Variants in KNL1 observed in about 807,000 individuals in gnomAD.
KNL1 encodes outer kinetochore KNL1 complex subunit KNL1.
A neutral mutation model predicts 201.3 loss-of-function variants in KNL1; 66 were observed. The ratio of observed to expected loss-of-function variants is 0.33; its 90% CI spans 0.27 to 0.40. The LOEUF (loss-of-function observed/expected upper bound fraction) is 0.40, where lower values mean the gene tolerates loss of function less well. Among genes scored for constraint, KNL1 ranks in the 10% least tolerant of loss-of-function variants. The pLI, the probability that KNL1 is intolerant of heterozygous loss-of-function variation, is 1.00. For synonymous variants in KNL1, 895 were observed against 899.2 expected (o/e 1.00, Z 0.08); for missense variants, 2,815 against 2,690.5 (o/e 1.05, Z -1.02).
At chr15:40,608,753 A>C (rs1892058645) in intron 4 of KNL1, 94 bp from the exon 5 acceptor site, 1 of 907,490 alleles carries the variant, frequency 1.1e-6, no homozygotes, top group South Asian at 1.7e-5. Context: ...CTCAAAAAAA[A>C]AAAAAAAAGG....
intron 1 of KNL1, 39 bp from the exon 2 acceptor site, chr15:40,602,876 T>G (rs1891852854): frequency 8.7e-7 from 1 of 1,153,086 alleles, no homozygotes; most frequent in Non-Finnish European, 1.3e-6. Context: ...TTGCTCTTCC[T>G]TTTTCCTCAT....
intron 11 of KNL1, 47 bp from the exon 12 acceptor site, chr15:40,628,564 C>T: frequency 1.7e-6 from 2 of 1,205,354 alleles, no homozygotes; most frequent in Non-Finnish European, 2.4e-6. Context: ...ATTAAGTTCA[C>T]AGTTTAGTTT....
intron 20 of KNL1, 129 bp downstream of exon 20, chr15:40,651,701 A>G (rs1483044115): frequency 3.2e-6 from 2 of 625,826 alleles, no homozygotes; most frequent in Non-Finnish European, 5.5e-6. Flanking sequence ...TTTCAAAAAG[A>G]GTCAGTGTAC....
intron 4 of KNL1, among the ~76,000 whole-genome samples, chr15:40,606,851 CT>C (rs1891992864): frequency 6.6e-6 from 1 of 152,230 alleles, no homozygotes; most frequent in African/African-American, 2.4e-5. Flanking sequence ...CCTCCTCCCC[CT>C]GGGCTCAAGA....
chr15:40,620,026 T>C (rs1892463933), intron 9 of KNL1, among the ~76,000 whole-genome samples: 2 of 152,196 alleles, frequency 1.3e-5, no homozygotes. Context: ...ACTCCTGGAC[T>C]CGAGCAGTCC....
At chr15:40,610,159 C>A (rs765368587) in intron 5 of KNL1, 86 bp from the exon 6 acceptor site, 8 of 729,744 alleles carry the variant, frequency 1.1e-5, no homozygotes, top group Admixed American at 4.3e-5. Context: ...ATTATCTTGA[C>A]CTATCTCAAC....
intron 1 of KNL1, among the ~76,000 whole-genome samples, chr15:40,601,979 C>A (rs1891811625): frequency 7.4e-6 from 1 of 135,578 alleles, no homozygotes; most frequent in Admixed American, 7.8e-5. Flanking sequence ...GTAGCTGGGA[C>A]TACAGGTGCA....
chr15:40,657,333 T>C (rs1428846173), intron 23 of KNL1, 22 bp from the exon 24 acceptor site: 2 of 1,440,040 alleles, frequency 1.4e-6, no homozygotes, highest in South Asian at 2.3e-5. Flanking sequence ...TTTCACTGGA[T>C]TTTTTTTCCC....
chr15:40,611,707 T>C (rs1328869145), intron 7 of KNL1, among the ~76,000 whole-genome samples, 196 bp downstream of exon 7: 1 of 151,854 alleles, frequency 6.6e-6, no homozygotes, highest in Non-Finnish European at 1.5e-5. Context: ...CAATATAATA[T>C]ATAAACCTTT....
At chr15:40,641,372 T>C (rs1222175438) in intron 14 of KNL1, among the ~76,000 whole-genome samples, 1 of 152,214 alleles carries the variant, frequency 6.6e-6, no homozygotes, top group Non-Finnish European at 1.5e-5. Context: ...TTAATAAGAA[T>C]AAACAGTAAT....
In KNL1 at chr15:40,640,922, A is replaced by G. The variant is rs779662263; in HGVS notation, c.5693A>G (p.Asn1898Ser). The part of the protein sequence containing the change: ...QSNLPGNFTV[N>S]TPPTPEDLML... ...AATTTTTTTTTCCAGTTTACTGTAA[A>G]CACACCACCTACTCCAGAAGACCTG... Residue 1898 changes from asparagine to serine, a missense_variant, in exon 14 of 26, where the codon AAC (asparagine) becomes AGC (serine). Transcript: ENST00000399668. 7 of 1,609,798 alleles carry G rather than the reference A, an allele frequency of 4.3e-6. No individual in the cohort carries two copies. The highest frequency in any genetic ancestry group is 5.1e-6 in the Non-Finnish European group (6 of 1,177,172).
At chr15:40,652,573 C>T (rs767772528) in intron 21 of KNL1, among the ~76,000 whole-genome samples, 17 of 150,880 alleles carry the variant, frequency 1.1e-4, no homozygotes, top group East Asian at 3.9e-4. Flanking sequence ...AGTTCGAAAC[C>T]GGCCTGGCCC....
chr15:40,642,582 A>G (rs950580320), intron 14 of KNL1, among the ~76,000 whole-genome samples: 4 of 152,130 alleles, frequency 2.6e-5, no homozygotes, highest in Non-Finnish European at 5.9e-5. Context: ...GTTGTTGGAA[A>G]GAGTTGGCTG....
At chr15:40,617,478 AATT>A (rs1408888293) in intron 8 of KNL1, among the ~76,000 whole-genome samples, 1 of 152,118 alleles carries the variant, frequency 6.6e-6, no homozygotes, top group Admixed American at 6.6e-5. Context: ...TTTTCCTAGC[AATT>A]ATTATTATAT....
At chr15:40,608,688 T>G (rs1354508044) in intron 4 of KNL1, among the ~76,000 whole-genome samples, 159 bp from the exon 5 acceptor site, 1 of 148,098 alleles carries the variant, frequency 6.8e-6, no homozygotes, top group Non-Finnish European at 1.5e-5. Flanking sequence ...GAGGCTGTGG[T>G]GAGCCAAGAT....
chr15:40,637,256 G>A (rs568409609), intron 13 of KNL1, among the ~76,000 whole-genome samples: 195 of 146,310 alleles, frequency 1.3e-3, no homozygotes, highest in African/African-American at 4.8e-3. Context: ...GAAGAAACCA[G>A]GTTTTTCTGT....
Position 40,622,882 on chromosome 15 carries a change from A to G in KNL1, c.2618A>G (p.Asp873Gly). 3 of 1,612,874 alleles carry G rather than the reference A, an allele frequency of 1.9e-6. No homozygotes were observed. Among genetic ancestry groups the G allele is most frequent in the Admixed American group, 3.3e-5 (2 of 59,940 alleles). ...TCAGAAGACGATAAGAATGATATGG[A>G]TATCACTAAGAGTTATACAATAGAA... ...VFSEDDKNDM[D>G]ITKSYTIEIN... Residue 873 changes from aspartate to glycine, a missense_variant, in exon 10 of 26, where the codon GAT (aspartate) becomes GGT (glycine). By Grantham distance (94) the Asp-to-Gly change is moderately conservative. Coordinates refer to ENST00000399668, the MANE Select transcript of KNL1 (RefSeq NM_144508.5).
rs540961321 is a variant in KNL1 at position 40,621,600 on chromosome 15, A to G, written c.1336A>G (p.Met446Val). Residue 446 changes from methionine to valine, a missense_variant, in exon 10 of 26, where the codon ATG becomes GTG. Coordinates refer to ENST00000399668, the MANE Select transcript of KNL1 (RefSeq NM_144508.5). ...AMEMTKCLSN[M>V]REEKNLLKHD... The stretch of plus-strand genomic sequence containing the variant: ...GGAAATGACCAAATGTCTCTCAAAT[A>G]TGAGAGAGGAGAAAAATTTGCTAAA... 11 of 1,609,306 alleles carry G rather than the reference A, an allele frequency of 6.8e-6. No homozygotes were observed. Among genetic ancestry groups the G allele is most frequent in the Non-Finnish European group, 8.5e-6 (10 of 1,177,132 alleles).
intron 10 of KNL1, chr15:40,625,863 A>C: frequency 2.2e-6 from 1 of 456,574 alleles, no homozygotes; most frequent in Non-Finnish European, 3.9e-6. Context: ...TCACAAAAAA[A>C]TTAAATGGAA....
Sources: allele counts gnomAD v4.1 joint callset (sites outside exome capture counted in the v4.1 genomes callset), GRCh38; gene constraint gnomAD v4.1.1; transcripts MANE v1.5; gene names NCBI Gene and HGNC (gene_info 2026-07-23, HGNC 2026-07-21).